ATXN2: variants seen among roughly 807,000 people sequenced by gnomAD.
The protein encoded by ATXN2 is ataxin-2.
A neutral mutation model predicts 138.6 loss-of-function variants in ATXN2; 37 were observed. The ratio of observed to expected loss-of-function variants is 0.27; its 90% CI spans 0.21 to 0.35. The LOEUF (loss-of-function observed/expected upper bound fraction) is 0.35, where lower values mean the gene tolerates loss of function less well. ATXN2 is among the 10% of genes least tolerant of loss of function. The probability of loss-of-function intolerance (pLI) is 1.00; values close to 1 mark genes in which losing one functional copy is unlikely to be tolerated. For missense variants in ATXN2, 1,216 were observed against 1,480.3 expected, an observed-to-expected ratio of 0.82 and a Z score of 2.93; for synonymous variants, 549 against 543.7, an observed-to-expected ratio of 1.01 and a Z score of -0.13.
chr12:111,485,744 A>G lies in ATXN2; in HGVS notation c.2426T>C (p.Met809Thr). Residue 809 changes from methionine to threonine, a missense_variant, in exon 17 of 25, where the codon ATG (methionine) becomes ACG (threonine). Met to Thr is a moderately conservative substitution (Grantham distance 81, BLOSUM62 -1). Coordinates refer to ENST00000673436, the MANE Select transcript of ATXN2 (RefSeq NM_001372574.1). Reference protein sequence around the residue: ...TQPVCFAPNMMYPVPVSPGVQ... With the variant: ...TQPVCFAPNMTYPVPVSPGVQ... ...GCCTGGGCTCACTGGGACTGGATAC[A>G]TCATATTTGGTGCAAAACAAACAGG... is the stretch of plus-strand genomic sequence containing the variant. The G allele has an allele frequency of 6.2e-7, 1 of 1,614,144 alleles. No individual in the cohort carries two copies. The highest frequency in any genetic ancestry group is 8.5e-7 in the Non-Finnish European group (1 of 1,180,010).
intron 9 of ATXN2, among the ~76,000 whole-genome samples, chr12:111,517,824 C>G (rs1256036587): frequency 6.6e-6 from 1 of 152,024 alleles, no homozygotes; most frequent in Non-Finnish European, 1.5e-5. Context: ...AATATAGAAA[C>G]AAATAATGAA....
chr12:111,598,844 GCCGAGGACGAGGAGA>G lies in ATXN2; in HGVS notation c.176_190del (p.Val59_Ser63del), dbSNP rs778119853. The G allele has an allele frequency of 6.8e-5, 100 of 1,472,658 alleles. No individual in the cohort carries two copies. The highest frequency in any genetic ancestry group is 9.3e-5 in the Admixed American group (4 of 42,896). 91.2% of individuals were successfully genotyped at this position (1,472,658 alleles called of 1,614,324 possible). ...CGCGACCACCGAGGAGGGAGCCGTG[GCCGAGGACGAGGAGA>G]CCGAGGACGAGGACGGCGAAGGCGC... On this transcript the variant is annotated inframe_deletion, in exon 1 of 25. Coordinates refer to ENST00000673436, the MANE Select transcript of ATXN2 (RefSeq NM_001372574.1). This position sits in a 1 kb window ranked among gnomAD's most constrained non-coding sequence, Gnocchi z 4.5.
At chr12:111,467,818 C>A (rs189082830) in intron 20 of ATXN2, among the ~76,000 whole-genome samples, 1 of 152,290 alleles carries the variant, frequency 6.6e-6, no homozygotes, top group Admixed American at 6.5e-5. Flanking sequence ...ACCTCAAACA[C>A]AGTATTTACC....
At chr12:111,583,587 G>A (rs1035852913) in intron 1 of ATXN2, among the ~76,000 whole-genome samples, 16 of 151,114 alleles carry the variant, frequency 1.1e-4, no homozygotes, top group African/African-American at 2.9e-4. Context: ...ACAACATGGC[G>A]AAAACCCCGT....
chr12:111,592,665 C>G (rs768948129), intron 1 of ATXN2, among the ~76,000 whole-genome samples: 14 of 150,418 alleles, frequency 9.3e-5, no homozygotes, highest in Non-Finnish European at 1.8e-4. Flanking sequence ...CGCATGTAGA[C>G]CCAGCTACTC....
chr12:111,574,661 G>A (rs928620645), intron 1 of ATXN2, among the ~76,000 whole-genome samples: 1 of 151,680 alleles, frequency 6.6e-6, no homozygotes, highest in Non-Finnish European at 1.5e-5. Flanking sequence ...GAGCTCAAGC[G>A]ACCCTCCTCC....
At chr12:111,595,477 A>T (rs1284642277) in intron 1 of ATXN2, among the ~76,000 whole-genome samples, 1 of 151,664 alleles carries the variant, frequency 6.6e-6, no homozygotes, top group Non-Finnish European at 1.5e-5. Flanking sequence ...CCTTGTCTCT[A>T]CCAAAAATAC....
chr12:111,513,727 A>G (rs568891911), intron 10 of ATXN2, among the ~76,000 whole-genome samples, 188 bp from the exon 11 acceptor site: 16 of 151,562 alleles, frequency 1.1e-4, no homozygotes, highest in African/African-American at 3.9e-4. Context: ...TTTCAGAATT[A>G]TTTTGTGGAA....
intron 1 of ATXN2, among the ~76,000 whole-genome samples, chr12:111,577,866 G>A (rs1022881491): frequency 6.6e-6 from 1 of 151,852 alleles, no homozygotes; most frequent in East Asian, 1.9e-4. Context: ...AGGATTGCTG[G>A]AGCCCAGGAG....
Position 111,513,548 on chromosome 12 carries a change from G to GA in ATXN2, c.1376-10dup. 6.2e-7 allele frequency: 1 copy of GA among 1,604,546 alleles called. No homozygotes were observed. The highest frequency in any genetic ancestry group is 8.5e-7 in the Non-Finnish European group (1 of 1,176,540). ...GGACATCCTTGGAGGCCCTAAGGAA[G>GA]AAACAGTGAACATCACATAAATTCC... On this transcript the variant is annotated splice_polypyrimidine_tract_variant and intron_variant, in intron 10 of 24. Coordinates refer to ENST00000673436, the MANE Select transcript of ATXN2 (RefSeq NM_001372574.1).
At chr12:111,522,340 G>A (rs1415648285) in intron 6 of ATXN2, among the ~76,000 whole-genome samples, 1 of 152,210 alleles carries the variant, frequency 6.6e-6, no homozygotes, top group African/African-American at 2.4e-5. Context: ...GCCGGGCACG[G>A]TGGCTCATGC....
chr12:111,567,317 T>G (rs954076615), intron 1 of ATXN2, among the ~76,000 whole-genome samples: 9 of 151,788 alleles, frequency 5.9e-5, no homozygotes, highest in African/African-American at 2.2e-4. Flanking sequence ...CTCACCAATA[T>G]GGTGAAACCC....
intron 1 of ATXN2, among the ~76,000 whole-genome samples, chr12:111,575,847 G>C (rs1277593750): frequency 6.6e-6 from 1 of 152,178 alleles, no homozygotes; most frequent in African/African-American, 2.4e-5. Context: ...ACTTTGGGAG[G>C]CCAAGGCGGG....
chr12:111,497,701 T>A (rs750614081), intron 14 of ATXN2, among the ~76,000 whole-genome samples: 14 of 151,860 alleles, frequency 9.2e-5, no homozygotes, highest in Non-Finnish European at 1.5e-4. Context: ...TTATATCACA[T>A]AAAATGCCAC....
Position 111,470,123 on chromosome 12 carries a change from T to C in ATXN2, c.2827A>G (p.Thr943Ala), listed in dbSNP as rs755422874. ...SATQYGAHEQ[T>A]HAMYACPKLP... ...TGCTTCCTACCATACATCGCATGCG[T>C]CTGCTCATGAGCCCCGTACTGAGTT... Residue 943 changes from threonine to alanine, a missense_variant, in exon 20 of 25, where the codon ACG becomes GCG. Physicochemically the swap from Thr to Ala is moderately conservative, Grantham distance 58. Transcript: ENST00000673436. 2 of 1,613,936 alleles carry C rather than the reference T, an allele frequency of 1.2e-6. No individual in the cohort carries two copies. Among genetic ancestry groups the C allele is most frequent in the Non-Finnish European group, 8.5e-7 (1 of 1,179,938 alleles).
At chr12:111,586,842 C>T (rs562073899) in intron 1 of ATXN2, among the ~76,000 whole-genome samples, 16 of 152,186 alleles carry the variant, frequency 1.1e-4, no homozygotes, top group South Asian at 6.2e-4. Flanking sequence ...CTTTCTATCA[C>T]GCTACTGTTA....
rs561205677 is a variant in ATXN2, at chr12:111,541,454, C to T, written c.571+10826G>A. Among the ~76,000 whole-genome samples, 125 of 144,532 alleles carry T rather than the reference C, an allele frequency of 8.6e-4. 8 individuals carry two copies. In the Middle Eastern group the frequency reaches 0.039, roughly 45 times the overall value. The allele number at this position is 144,532 out of a possible 152,430, so 94.8% of individuals were successfully genotyped here. ...GCAACCTCCACCTCCCGAGTTCAAG[C>T]GATTCTCCTGCCTCAGCCTCCCGAG... is the stretch of plus-strand genomic sequence containing the variant. On this transcript the variant is annotated intron_variant, in intron 5 of 24. Coordinates refer to ENST00000673436, the MANE Select transcript of ATXN2 (RefSeq NM_001372574.1).
chr12:111,597,170 G>C (rs1161019281), intron 1 of ATXN2, among the ~76,000 whole-genome samples: 1 of 151,570 alleles, frequency 6.6e-6, no homozygotes, highest in Admixed American at 6.6e-5. Flanking sequence ...GGGGCGGGGC[G>C]TGTAAAGTCA....
At chr12:111,483,366 T>C (rs1448452043) in intron 18 of ATXN2, among the ~76,000 whole-genome samples, 1 of 151,436 alleles carries the variant, frequency 6.6e-6, no homozygotes, top group Non-Finnish European at 1.5e-5. Flanking sequence ...CTTTCTATAG[T>C]TTCTCAACTG....
Sources: gnomAD v4.1 joint callset for allele counts (sites outside exome capture counted in the v4.1 genomes callset) on GRCh38, gnomAD v4.1.1 for gene constraint, Gnocchi (gnomAD v3.1) non-coding constraint, MANE v1.5 for transcripts, NCBI Gene and HGNC (gene_info 2026-07-23, HGNC 2026-07-21) for gene names.